Variants in ETV1 observed in about 807,000 individuals in gnomAD.
ETV1 encodes ETS variant transcription factor 1.
ETV1 carries 27 observed loss-of-function variants against 62.3 expected under a neutral mutation model. The observed-to-expected ratio is 0.43, with a 90% CI of 0.32 to 0.60. ETV1 has a LOEUF of 0.60. ETV1 is among the 20% of genes least tolerant of loss of function. The probability of loss-of-function intolerance (pLI) is 0.06; values close to 1 mark genes in which losing one functional copy is unlikely to be tolerated. For missense variants in ETV1, 605 were observed against 605.8 expected (o/e 1.00, Z 0.01); for synonymous variants, 222 against 199.6 (o/e 1.11, Z -0.94).
intron 6 of ETV1, among the ~76,000 whole-genome samples, chr7:13,956,379 T>A (rs1382099383): frequency 6.6e-6 from 1 of 152,058 alleles, no homozygotes; most frequent in African/African-American, 2.4e-5. Context: ...AGTGTACCCT[T>A]AAGGCTATAT....
intron 13 of ETV1, among the ~76,000 whole-genome samples, chr7:13,898,675 C>G (rs1241952935): frequency 6.6e-6 from 1 of 152,076 alleles, no homozygotes; most frequent in East Asian, 1.9e-4. Context: ...CATATGCCCA[C>G]AAAGTTTTAA....
At chr7:13,920,893 C>T (rs754922608) in intron 9 of ETV1, among the ~76,000 whole-genome samples, 4 of 152,130 alleles carry the variant, frequency 2.6e-5, no homozygotes, top group Non-Finnish European at 4.4e-5. Flanking sequence ...ATTGTGAGGC[C>T]AATCTATGAC....
intron 12 of ETV1, among the ~76,000 whole-genome samples, chr7:13,901,931 G>C (rs1388856877): frequency 6.6e-6 from 1 of 151,908 alleles, no homozygotes; most frequent in East Asian, 1.9e-4. Flanking sequence ...TTTTTCAATA[G>C]AGCTTTAAAA....
At chr7:13,906,186 A>G in intron 12 of ETV1, 1 of 343,490 alleles carries the variant, frequency 2.9e-6, no homozygotes, top group Non-Finnish European at 5.2e-6. Flanking sequence ...AAAGGTGCAA[A>G]GCATGCTCTG....
At chr7:13,987,595 T>C (rs1295596904) in intron 4 of ETV1, among the ~76,000 whole-genome samples, 1 of 152,184 alleles carries the variant, frequency 6.6e-6, no homozygotes, top group Non-Finnish European at 1.5e-5. Flanking sequence ...TATTATGACC[T>C]CACAATTTAG....
chr7:13,934,149 T>G (rs2128453914), intron 8 of ETV1, among the ~76,000 whole-genome samples: 1 of 152,298 alleles, frequency 6.6e-6, no homozygotes, highest in Non-Finnish European at 1.5e-5. Flanking sequence ...TAAGAATTCT[T>G]TCATCTGTAT....
At chr7:13,936,909 A>G (rs1190536471) in intron 7 of ETV1, among the ~76,000 whole-genome samples, 1 of 151,966 alleles carries the variant, frequency 6.6e-6, no homozygotes, top group East Asian at 1.9e-4. Context: ...GGGCGTGGTG[A>G]TGCATGTCTG....
chr7:13,964,073 C>T (rs1270229910), intron 6 of ETV1, among the ~76,000 whole-genome samples: 1 of 152,142 alleles, frequency 6.6e-6, no homozygotes. Context: ...CCTACAGACC[C>T]GTGAGTTGAG....
At position 13,935,950 on chromosome 7, in the gene ETV1, A is replaced by T. The variant is rs17167671; in HGVS notation, c.366-54T>A. ...ATTTCTTTCTTTGGAGCAATTTTTT[A>T]AAAAAGTTTCTAATCCAAAGGAAGA... On this transcript the variant is annotated intron_variant, in intron 7 of 13. Transcript: ENST00000430479. 6.4e-3 allele frequency: 9,118 copies of T among 1,418,232 alleles called. 214 individuals are homozygous for T. The African/African-American group carries it at 0.075, about 12-fold the overall frequency. The allele number at this position is 1,418,232 out of a possible 1,614,324, so 87.9% of individuals were successfully genotyped here. A position where few individuals can be genotyped will look rare whatever the true frequency, so the allele number is the denominator to read the frequency against.
chr7:13,909,410 A>G (rs192998752), intron 11 of ETV1, among the ~76,000 whole-genome samples: 52 of 152,276 alleles, frequency 3.4e-4, no homozygotes, highest in African/African-American at 1.2e-3. Flanking sequence ...CTCTTTGTCT[A>G]TTTCTCCAAA....
At chr7:13,959,692 T>C (rs1789926872) in intron 6 of ETV1, among the ~76,000 whole-genome samples, 1 of 151,914 alleles carries the variant, frequency 6.6e-6, no homozygotes, top group Admixed American at 6.6e-5. Flanking sequence ...GAGACCAGCC[T>C]GGCCTGCATC....
At chr7:13,948,953 G>A (rs145071769) in intron 6 of ETV1, among the ~76,000 whole-genome samples, 1 of 152,192 alleles carries the variant, frequency 6.6e-6, no homozygotes, top group African/African-American at 2.4e-5. Context: ...CAAACTAGCT[G>A]ATTAAAAAAA....
chr7:13,946,032 G>C (rs575372097), intron 6 of ETV1, among the ~76,000 whole-genome samples: 3 of 152,178 alleles, frequency 2.0e-5, no homozygotes, highest in African/African-American at 4.8e-5. Flanking sequence ...AGAGTTACAG[G>C]CATCTGCGTT....
At chr7:13,943,377 G>T (rs2128464240) in intron 6 of ETV1, among the ~76,000 whole-genome samples, 1 of 152,270 alleles carries the variant, frequency 6.6e-6, no homozygotes, top group African/African-American at 2.4e-5. Context: ...TGAAGTTTTG[G>T]TGAAGACATG....
chr7:13,910,785 A>T (rs1475044098), intron 10 of ETV1, among the ~76,000 whole-genome samples: 1 of 152,220 alleles, frequency 6.6e-6, no homozygotes, highest in East Asian at 1.9e-4. Flanking sequence ...TAGGCCTCCT[A>T]TGTGAAATCT....
intron 13 of ETV1, among the ~76,000 whole-genome samples, chr7:13,900,130 A>G (rs986365995): frequency 4.2e-5 from 6 of 141,356 alleles, no homozygotes; most frequent in Admixed American, 3.4e-4. Context: ...ATCTGTCTCA[A>G]AACAAACAAA....
chr7:13,932,566 G>A (rs10226532), intron 8 of ETV1, among the ~76,000 whole-genome samples: 2 of 152,166 alleles, frequency 1.3e-5, no homozygotes, highest in African/African-American at 4.8e-5. Context: ...TGAGGCCTCA[G>A]CAGAAGGCTA....
intron 9 of ETV1, among the ~76,000 whole-genome samples, chr7:13,916,239 G>C (rs1013906388): frequency 3.3e-5 from 5 of 152,090 alleles, no homozygotes; most frequent in African/African-American, 1.2e-4. Context: ...ACAATAGCTC[G>C]GATGTACTGA....
intron 6 of ETV1, among the ~76,000 whole-genome samples, chr7:13,942,092 C>A (rs1394594211): frequency 6.9e-6 from 1 of 145,504 alleles, no homozygotes; most frequent in Non-Finnish European, 1.5e-5. Flanking sequence ...GGCGCGATCT[C>A]GGCTCACTGC....
Sources: gnomAD v4.1 joint callset for allele counts (sites outside exome capture counted in the v4.1 genomes callset) on GRCh38, gnomAD v4.1.1 for gene constraint, MANE v1.5 for transcripts, NCBI Gene and HGNC (gene_info 2026-07-23, HGNC 2026-07-21) for gene names.